The following HCN4 variants were observed in gnomAD, a reference collection of about 807,000 sequenced individuals.
HCN4 encodes potassium/sodium hyperpolarization-activated cyclic nucleotide-gated channel 4.
Under a neutral mutation model 76.9 loss-of-function variants are expected in HCN4, and 29 were observed. The ratio of observed to expected loss-of-function variants is 0.38; its 90% CI spans 0.28 to 0.51. The LOEUF is 0.51. Among genes scored for constraint, HCN4 ranks in the 20% least tolerant of loss-of-function variants. The pLI is 0.90. For missense variants in HCN4, 1,416 were observed against 1,715.2 expected, an observed-to-expected ratio of 0.83 and a Z score of 3.08; for synonymous variants, 772 against 762.5, an observed-to-expected ratio of 1.01 and a Z score of -0.21.
chr15:73,353,056 G>A (rs867851905), intron 1 of HCN4, among the ~76,000 whole-genome samples: 5 of 152,122 alleles, frequency 3.3e-5, no homozygotes, highest in Non-Finnish European at 1.5e-5. Context: ...ATGGACGGAC[G>A]GACGGGAGAC....
chr15:73,353,566 A>G (rs535144631), intron 1 of HCN4, among the ~76,000 whole-genome samples: 1 of 152,210 alleles, frequency 6.6e-6, no homozygotes, highest in African/African-American at 2.4e-5. Context: ...TCACACCTTG[A>G]TAACTGTCTG....
rs142621615 is a variant in HCN4, at chr15:73,353,400, G to A, written c.786-9592C>T. ...TGCCGTGCCCGGGAGGTCAGGATGA[G>A]AAGATGTTTTGGAGATCAATGATGA... On this transcript the variant is annotated intron_variant, in intron 1 of 7. Transcript: ENST00000261917. 1.1e-3 allele frequency among the ~76,000 whole-genome samples: 167 copies of A among 152,330 alleles called. 1 individual carries two copies. Among genetic ancestry groups the A allele is most frequent in the African/African-American group, 3.5e-3 (145 of 41,578 alleles).
Position 73,322,924 on chromosome 15 carries a change from C to G in HCN4, c.3169G>C (p.Ala1057Pro). 7.2e-7 allele frequency: 1 copy of G among 1,397,466 alleles called. No individual in the cohort carries two copies. The highest frequency in any genetic ancestry group is 1.5e-5 in the South Asian group (1 of 66,664). 86.6% of individuals were successfully genotyped at this position (1,397,466 alleles called of 1,614,324 possible). A position where few individuals can be genotyped will look rare whatever the true frequency, so the allele number is the denominator to read the frequency against. ...ACCTGGGGTGGTGGGGGGCTGGATG[C>G]AGGTGGCAGGAGCAAGGATCCGTGG... ...GSHGSLLLPP[A>P]SSPPPPQVPQ... Residue 1057 changes from alanine to proline, a missense_variant, in exon 8 of 8, where the codon GCA becomes CCA. By Grantham distance (27) the Ala-to-Pro change is conservative. This residue lies in a region of HCN4 where 633 missense variants were observed against 579.8 expected (regional missense o/e 1.09). Coordinates refer to ENST00000261917, the MANE Select transcript of HCN4 (RefSeq NM_005477.3).
rs2043141449 is a variant in HCN4 at position 73,368,497 on chromosome 15, T to G, written c.-227A>C. Reference sequence around the variant, plus strand: ...CGCTACACCTCCTCCCGGGCCCGGCTGGGCGCGGGGACCCCGCGCTCCCTT... The same window carrying G: ...CGCTACACCTCCTCCCGGGCCCGGCGGGGCGCGGGGACCCCGCGCTCCCTT... On this transcript the variant is annotated 5_prime_UTR_variant, in exon 1 of 8. Coordinates refer to ENST00000261917, the MANE Select transcript of HCN4 (RefSeq NM_005477.3). This position sits in a 1 kb window ranked among gnomAD's most constrained non-coding sequence, Gnocchi z 6.9. The G allele has an allele frequency of 3.0e-6, 1 of 337,660 alleles. No homozygotes were observed. The highest frequency in any genetic ancestry group is 5.3e-6 in the Non-Finnish European group (1 of 187,952). 20.9% of individuals were successfully genotyped at this position (337,660 alleles called of 1,614,324 possible).
intron 1 of HCN4, among the ~76,000 whole-genome samples, chr15:73,352,672 G>A (rs1273801886): frequency 6.6e-6 from 1 of 152,116 alleles, no homozygotes; most frequent in Non-Finnish European, 1.5e-5. Context: ...CCCATAATAA[G>A]CCTCTCATTA....
At chr15:73,362,038 G>C (rs1327218434) in intron 1 of HCN4, among the ~76,000 whole-genome samples, 1 of 152,264 alleles carries the variant, frequency 6.6e-6, no homozygotes, top group Non-Finnish European at 1.5e-5. Flanking sequence ...AGCTGCAAAA[G>C]TGGTGGGACA....
chr15:73,368,102 A>G lies in HCN4; in HGVS notation c.169T>C (p.Ser57Pro), dbSNP rs1023219329. ...SIRLRPLPSP[S>P]PSAAAGGTES... Reference sequence around the variant, plus strand: ...GTGCCACCCGCGGCCGCCGAGGGGGAGGGCGAGGGCAGTGGCCGCAGCCGG... The same window carrying G: ...GTGCCACCCGCGGCCGCCGAGGGGGGGGGCGAGGGCAGTGGCCGCAGCCGG... The change falls in exon 1 of 8, where the codon TCC becomes CCC. Residue 57 changes from serine to proline, a missense_variant. By Grantham distance (74) the Ser-to-Pro change is moderately conservative. Transcript: ENST00000261917. This position sits in a 1 kb window ranked among gnomAD's most constrained non-coding sequence, Gnocchi z 6.9. 19 of 1,490,448 alleles carry G rather than the reference A, an allele frequency of 1.3e-5. No individual in the cohort carries two copies. Among genetic ancestry groups the G allele is most frequent in the South Asian group, 6.3e-5 (5 of 78,992 alleles). 92.3% of individuals were successfully genotyped at this position (1,490,448 alleles called of 1,614,324 possible).
chr15:73,362,218 C>T (rs932457052), intron 1 of HCN4, among the ~76,000 whole-genome samples: 6 of 152,230 alleles, frequency 3.9e-5, no homozygotes, highest in Non-Finnish European at 7.3e-5. Flanking sequence ...TGACTTGGCT[C>T]AGCCCAGTTC....
In HCN4 at chr15:73,334,576, C is replaced by G. The variant is rs1270352794; in HGVS notation, c.1210-2284G>C. ...GCCACTAGCTCCCCAGCTCACCCAA[C>G]CCCCTGGTGTCTGAGCTAAGACACC... On this transcript the variant is annotated intron_variant, in intron 2 of 7. Transcript: ENST00000261917. Among the ~76,000 whole-genome samples the G allele has an allele frequency of 3.9e-5, 6 of 151,980 alleles. No individual in the cohort carries two copies. In the South Asian group the frequency reaches 1.2e-3, roughly 32 times the overall value.
intron 1 of HCN4, among the ~76,000 whole-genome samples, chr15:73,344,839 C>T (rs1184974805): frequency 6.6e-6 from 1 of 152,206 alleles, no homozygotes; most frequent in Non-Finnish European, 1.5e-5. Flanking sequence ...GACCCCAATC[C>T]AGAAGGCATG....
In HCN4 at chr15:73,320,118, C is replaced by CT. The variant is rs1024387685; in HGVS notation, c.*2362dup. The CT allele has an allele frequency of 2.0e-5, 3 of 152,436 alleles. No homozygotes were observed. The highest frequency in any genetic ancestry group is 7.2e-5 in the African/African-American group (3 of 41,434). 9.4% of individuals were successfully genotyped at this position (152,436 alleles called of 1,614,324 possible). A position where few individuals can be genotyped will look rare whatever the true frequency, so the allele number is the denominator to read the frequency against. ...CTCCTCATGGCCCTGGACCCTCCAC[C>CT]TTCACCCCTGCTGCCTCCAGGACAA... On this transcript the variant is annotated 3_prime_UTR_variant, in exon 8 of 8. Coordinates refer to ENST00000261917, the MANE Select transcript of HCN4 (RefSeq NM_005477.3).
intron 1 of HCN4, among the ~76,000 whole-genome samples, chr15:73,366,392 G>C (rs2043128455): frequency 6.6e-6 from 1 of 152,186 alleles, no homozygotes; most frequent in African/African-American, 2.4e-5. Context: ...AAGGAAGGGA[G>C]ATAAGTAGGC....
In HCN4 at chr15:73,322,571, A is replaced by C; in HGVS notation, c.3522T>G (p.Ser1174=). 2 of 1,609,272 alleles carry C rather than the reference A, an allele frequency of 1.2e-6. No individual in the cohort carries two copies. The highest frequency in any genetic ancestry group is 1.7e-6 in the Non-Finnish European group (2 of 1,178,126). ...PLSLFGARAT[S]SGGPPLTAGP... The stretch of plus-strand genomic sequence containing the variant: ...CAGCAGTCAGAGGGGGCCCCCCAGA[A>C]GAGGTGGCTCTTGCCCCAAACAAAG... Residue 1174 remains serine (S), a synonymous_variant, in exon 8 of 8, where the codon TCT becomes TCG. Coordinates refer to ENST00000261917, the MANE Select transcript of HCN4 (RefSeq NM_005477.3).
intron 3 of HCN4, among the ~76,000 whole-genome samples, chr15:73,331,895 A>T (rs958283776): frequency 5.9e-5 from 9 of 152,154 alleles, no homozygotes; most frequent in Non-Finnish European, 1.3e-4. Flanking sequence ...CCCAGTTGCA[A>T]TGGAGGCTGT....
intron 4 of HCN4, among the ~76,000 whole-genome samples, chr15:73,327,406 C>T (rs552971210): frequency 1.3e-5 from 2 of 152,198 alleles, no homozygotes; most frequent in Admixed American, 6.5e-5. Flanking sequence ...CCACAGCGCC[C>T]GGCCCCAGAT....
intron 6 of HCN4, 57 bp downstream of exon 6, chr15:73,324,898 C>T (rs117448777): frequency 0.013 from 20,774 of 1,608,958 alleles, 177 homozygotes; most frequent in Non-Finnish European, 0.016. Flanking sequence ...TCGGTATCTC[C>T]CCAAACCAGC....
rs1404646271 is a variant in HCN4, at chr15:73,320,832, T to G, written c.*1649A>C. On this transcript the variant is annotated 3_prime_UTR_variant, in exon 8 of 8. Coordinates refer to ENST00000261917, the MANE Select transcript of HCN4 (RefSeq NM_005477.3). ...CCCTCCCTCTCTCCCTGTTGAAGTC[T>G]TCCCACTTCTCAAGGCCTGGCTCCC... 3 of 152,222 alleles carry G rather than the reference T, an allele frequency of 2.0e-5. No homozygotes were observed. The highest frequency in any genetic ancestry group is 4.4e-5 in the Non-Finnish European group (3 of 68,110). 9.4% of individuals were successfully genotyped at this position (152,222 alleles called of 1,614,324 possible).
intron 2 of HCN4, chr15:73,335,291 A>C (rs1436670272): frequency 6.6e-6 from 1 of 152,354 alleles, no homozygotes; most frequent in Non-Finnish European, 1.5e-5. Flanking sequence ...TGGGGGCAGG[A>C]CAGCAGCCTC....
chr15:73,326,786 TTTATTTA>T (rs1383462095), intron 4 of HCN4, among the ~76,000 whole-genome samples: 1 of 149,090 alleles, frequency 6.7e-6, no homozygotes. Context: ...TATTTATTTA[TTTATTTA>T]TTTTTTTTGT....
Sources: gnomAD v4.1 joint callset for allele counts (sites outside exome capture counted in the v4.1 genomes callset) on GRCh38, gnomAD v4.1.1 for gene constraint, gnomAD v4.1.1 regional missense constraint, Gnocchi (gnomAD v3.1) non-coding constraint, MANE v1.5 for transcripts, NCBI Gene and HGNC (gene_info 2026-07-23, HGNC 2026-07-21) for gene names.